IL34: variants seen among roughly 807,000 people sequenced by gnomAD.
The protein encoded by IL34 is interleukin 34.
A neutral mutation model predicts 25.3 loss-of-function variants in IL34; 17 were observed. That is an observed-to-expected ratio of 0.67 (90% confidence interval 0.46 to 1.01). IL34 has a LOEUF of 1.01. Ranked by LOEUF, IL34 falls within the 50% of genes least tolerant of loss-of-function variation. The pLI is 0.00. For missense variants in IL34, 368 were observed against 312.9 expected, an observed-to-expected ratio of 1.18 and a Z score of -1.33; for synonymous variants, 174 against 140.9, an observed-to-expected ratio of 1.23 and a Z score of -1.66.
At position 70,657,031 on chromosome 16, in the gene IL34, G is replaced by A. The variant is rs374324186; in HGVS notation, c.312G>A (p.Ser104=). ...TGGTGAGCCTCAGTGCCACTGAGTC[G>A]GTGCAGGACGTGCTGCTCGAGGGCC... ...WVLVSLSATE[S]VQDVLLEGHP... Residue 104 remains serine (S), a synonymous_variant, in exon 4 of 6, where the codon TCG becomes TCA. Transcript: ENST00000288098. 80 of 1,612,494 alleles carry A rather than the reference G, an allele frequency of 5.0e-5. No homozygotes were observed. Among genetic ancestry groups the A allele is most frequent in the African/African-American group, 1.2e-4 (9 of 74,840 alleles).
At chr16:70,589,270 A>G (rs113770147) in intron 1 of IL34, among the ~76,000 whole-genome samples, 11,521 of 152,134 alleles carry the variant, frequency 0.076, 1,004 homozygotes, top group East Asian at 0.2. Flanking sequence ...TTTGTTTTAG[A>G]TTCGGGGGTA....
At chr16:70,631,774 G>A (rs991452416) in intron 1 of IL34, among the ~76,000 whole-genome samples, 1 of 152,148 alleles carries the variant, frequency 6.6e-6, no homozygotes. Flanking sequence ...TGGTTAAGAC[G>A]GTCCCTGCTG....
At chr16:70,631,945 C>A (rs33998678) in intron 1 of IL34, among the ~76,000 whole-genome samples, 1 of 151,184 alleles carries the variant, frequency 6.6e-6, no homozygotes, top group Non-Finnish European at 1.5e-5. Context: ...AATTATAATA[C>A]AAAAAATTAG....
At chr16:70,652,087 C>A (rs564517723) in intron 1 of IL34, among the ~76,000 whole-genome samples, 1 of 151,540 alleles carries the variant, frequency 6.6e-6, no homozygotes, top group South Asian at 2.1e-4. Context: ...AAGATTGCGC[C>A]ACGGCACTCC....
At chr16:70,599,293 C>CTTTCTTTCTTTCT (rs113794220) in intron 1 of IL34, among the ~76,000 whole-genome samples, 3 of 132,702 alleles carry the variant, frequency 2.3e-5, no homozygotes, top group Non-Finnish European at 3.2e-5. Flanking sequence ...TTCTTTCTTT[C>CTTTCTTTCTTTCT]TTCTTTCTTT....
At chr16:70,607,295 G>A (rs144152252) in intron 1 of IL34, among the ~76,000 whole-genome samples, 4,421 of 152,126 alleles carry the variant, frequency 0.029, 239 homozygotes, top group African/African-American at 0.1. Context: ...TAGTAGAGAC[G>A]GGGTTTCACT....
At position 70,646,732 on chromosome 16, in the gene IL34, C is replaced by A; in HGVS notation, c.-216C>A. 1 of 495,248 alleles carries A rather than the reference C, an allele frequency of 2.0e-6. No homozygotes were observed. The highest frequency in any genetic ancestry group is 3.4e-5 in the South Asian group (1 of 29,400). 30.7% of individuals were successfully genotyped at this position (495,248 alleles called of 1,614,324 possible). A position where few individuals can be genotyped will look rare whatever the true frequency, so the allele number is the denominator to read the frequency against. Reference sequence around the variant, plus strand: ...TGCCATGGGACTTGCGGCCACCGCCCCCCGGCTGTCCTCCACGCTGCCGGG... The same window carrying A: ...TGCCATGGGACTTGCGGCCACCGCCACCCGGCTGTCCTCCACGCTGCCGGG... On this transcript the variant is annotated 5_prime_UTR_variant, in exon 1 of 6. Coordinates refer to ENST00000288098, the MANE Select transcript of IL34 (RefSeq NM_001393494.1).
chr16:70,658,788 C>G (rs537789028), intron 4 of IL34, among the ~76,000 whole-genome samples: 53 of 152,290 alleles, frequency 3.5e-4, no homozygotes, highest in Non-Finnish European at 6.5e-4. Context: ...CTTTTCATGG[C>G]CTTCTGCCCT....
At position 70,656,631 on chromosome 16, in the gene IL34, C is replaced by T. The variant is rs1318936989; in HGVS notation, c.192C>T (p.Ile64=). Residue 64 remains isoleucine (I), a synonymous_variant, in exon 3 of 6, where the codon ATC becomes ATT. Transcript: ENST00000288098. Reference sequence around the variant, plus strand: ...ACTACTTCCCCATCAACTACAAGATCAGTGTGCCTTACGAGGGGGTGTTCA... The same window carrying T: ...ACTACTTCCCCATCAACTACAAGATTAGTGTGCCTTACGAGGGGGTGTTCA... The part of the protein sequence containing the change: ...MKHYFPINYK[I]SVPYEGVFRI... 4.1e-6 allele frequency: 6 copies of T among 1,450,816 alleles called. No homozygotes were observed. The highest frequency in any genetic ancestry group is 1.1e-5 in the South Asian group (1 of 87,814). 89.9% of individuals were successfully genotyped at this position (1,450,816 alleles called of 1,614,324 possible). A position where few individuals can be genotyped will look rare whatever the true frequency, so the allele number is the denominator to read the frequency against.
intron 1 of IL34, among the ~76,000 whole-genome samples, chr16:70,618,218 G>A (rs2051204550): frequency 6.6e-6 from 1 of 151,930 alleles, no homozygotes. Context: ...TAGGCCTGGT[G>A]GAACCTCCAT....
At chr16:70,593,581 G>C (rs2050781304) in intron 1 of IL34, among the ~76,000 whole-genome samples, 1 of 152,148 alleles carries the variant, frequency 6.6e-6, no homozygotes, top group African/African-American at 2.4e-5. Flanking sequence ...GCAGTGGCAT[G>C]ATTGTGGCTC....
At chr16:70,634,581 G>GAGGCAGGAGAATTCCTTGA (rs1358568622) in intron 1 of IL34, among the ~76,000 whole-genome samples, 1 of 151,934 alleles carries the variant, frequency 6.6e-6, no homozygotes, top group Non-Finnish European at 1.5e-5. Flanking sequence ...TCAGGAGGCT[G>GAGGCAGGAGAATTCCTTGA]AGGCAGGAGA....
chr16:70,640,746 C>A (rs750476251), intron 1 of IL34, among the ~76,000 whole-genome samples: 9 of 152,006 alleles, frequency 5.9e-5, no homozygotes, highest in Non-Finnish European at 8.8e-5. Context: ...TTTAAGCATA[C>A]GGTTGGATAA....
chr16:70,592,358 G>C (rs1183971706), intron 1 of IL34, among the ~76,000 whole-genome samples: 6 of 152,038 alleles, frequency 3.9e-5, no homozygotes, highest in African/African-American at 1.4e-4. Flanking sequence ...GCCTCCTGAG[G>C]TGTAATAGAA....
chr16:70,637,808 G>C (rs886398748), intron 1 of IL34, among the ~76,000 whole-genome samples: 6 of 152,134 alleles, frequency 3.9e-5, no homozygotes, highest in Admixed American at 2.0e-4. Flanking sequence ...GATTCTCATA[G>C]TTGCTGCAAG....
intron 1 of IL34, among the ~76,000 whole-genome samples, chr16:70,584,450 A>T (rs538968198): frequency 6.6e-6 from 1 of 152,272 alleles, no homozygotes; most frequent in East Asian, 1.9e-4. Flanking sequence ...CAAAATGATG[A>T]ATTGGAAAGG....
upstream of IL34, among the ~76,000 whole-genome samples, chr16:70,643,773 AC>A (rs2051842478): frequency 2.6e-5 from 4 of 152,362 alleles, no homozygotes; most frequent in South Asian, 8.3e-4. Context: ...TTAAAAAATA[AC>A]CAGGGAAAAT....
rs1205351022 is a variant in IL34, at chr16:70,660,676, C to G, written c.*489C>G. The G allele has an allele frequency of 6.3e-6, 1 of 158,264 alleles. No homozygotes were observed. Among genetic ancestry groups the G allele is most frequent in the Non-Finnish European group, 1.4e-5 (1 of 71,762 alleles). 9.8% of individuals were successfully genotyped at this position (158,264 alleles called of 1,614,324 possible). ...CTTTTTTCTATTAAACACCCCACTTCCTTTGGTTTGCTTTGCTTTGCATCT... is the reference window on the plus strand; with the variant it reads ...CTTTTTTCTATTAAACACCCCACTTGCTTTGGTTTGCTTTGCTTTGCATCT... On this transcript the variant is annotated 3_prime_UTR_variant, in exon 6 of 6. Coordinates refer to ENST00000288098, the MANE Select transcript of IL34 (RefSeq NM_001393494.1).
intron 1 of IL34, among the ~76,000 whole-genome samples, chr16:70,637,050 C>T (rs573394042): frequency 2.0e-5 from 3 of 151,812 alleles, no homozygotes; most frequent in East Asian, 2.0e-4. Flanking sequence ...TTAGTAGAGA[C>T]GGGGTTTTAC....
Sources: gnomAD v4.1 joint callset for allele counts (sites outside exome capture counted in the v4.1 genomes callset) on GRCh38, gnomAD v4.1.1 for gene constraint, MANE v1.5 for transcripts, NCBI Gene and HGNC (gene_info 2026-07-23, HGNC 2026-07-21) for gene names.